EXOC4: variants seen among roughly 807,000 people sequenced by gnomAD.
The protein encoded by EXOC4 is exocyst complex component 4.
In EXOC4, 71 loss-of-function variants were observed where a neutral mutation model predicts 107.2. The observed-to-expected ratio is 0.66, with a 90% CI of 0.55 to 0.81. The LOEUF (loss-of-function observed/expected upper bound fraction) is 0.81, where lower values mean the gene tolerates loss of function less well. Ranked by LOEUF, EXOC4 falls within the 30% of genes least tolerant of loss-of-function variation. The probability of loss-of-function intolerance (pLI) is 0.00; values close to 1 mark genes in which losing one functional copy is unlikely to be tolerated. For missense variants in EXOC4, 1,108 were observed against 1,189.6 expected (o/e 0.93, Z 1.01); for synonymous variants, 456 against 441.2 (o/e 1.03, Z -0.42).
intron 9 of EXOC4, among the ~76,000 whole-genome samples, chr7:133,483,494 T>C (rs539459662): frequency 6.6e-6 from 1 of 152,332 alleles, no homozygotes; most frequent in African/African-American, 2.4e-5. Context: ...CACTACAATC[T>C]AACTAGGAAT....
chr7:133,749,724 G>A (rs1283419621), intron 10 of EXOC4, among the ~76,000 whole-genome samples: 1 of 152,080 alleles, frequency 6.6e-6, no homozygotes, highest in Non-Finnish European at 1.5e-5. Flanking sequence ...TATGTCATAA[G>A]TAAACCTAAT....
chr7:134,077,735 G>A, the EXOC4 span, among the ~76,000 whole-genome samples: 3,603 of 152,304 alleles, frequency 0.024, 126 homozygotes, highest in African/African-American at 0.076. Context: ...CTGTTGCCAA[G>A]CAACCCAGAT....
chr7:133,723,118 G>A (rs1562924460), intron 10 of EXOC4, among the ~76,000 whole-genome samples: 1 of 152,208 alleles, frequency 6.6e-6, no homozygotes, highest in African/African-American at 2.4e-5. Flanking sequence ...TGCCAGATGA[G>A]TGAATATATT....
intron 17 of EXOC4, among the ~76,000 whole-genome samples, chr7:134,028,605 A>G (rs1029600998): frequency 3.9e-5 from 6 of 152,194 alleles, no homozygotes; most frequent in African/African-American, 9.7e-5. Flanking sequence ...GTCGCTAGCA[A>G]TGGGCATGGT....
intron 11 of EXOC4, among the ~76,000 whole-genome samples, chr7:133,849,250 C>T (rs148592571): frequency 2.6e-5 from 4 of 152,146 alleles, no homozygotes; most frequent in African/African-American, 7.2e-5. Flanking sequence ...GCAAGACCTC[C>T]ATTTCTACAA....
At chr7:134,084,708 G>GT in the EXOC4 span, among the ~76,000 whole-genome samples, 5 of 86,594 alleles carry the variant, frequency 5.8e-5, no homozygotes, top group South Asian at 6.2e-4. Flanking sequence ...TGGTGCAGCC[G>GT]TAAAAAAAAA....
chr7:133,862,419 G>A (rs554578663), intron 11 of EXOC4, among the ~76,000 whole-genome samples: 1 of 152,118 alleles, frequency 6.6e-6, no homozygotes, highest in South Asian at 2.1e-4. Flanking sequence ...GGAGGCAGAG[G>A]TTGCAGTGAG....
chr7:134,093,499 A>G, the EXOC4 span, among the ~76,000 whole-genome samples: 6 of 152,288 alleles, frequency 3.9e-5, no homozygotes, highest in East Asian at 1.2e-3. Flanking sequence ...ACCCACTAAC[A>G]GCATTACACA....
At chr7:133,624,856 G>C (rs1015597101) in intron 9 of EXOC4, among the ~76,000 whole-genome samples, 2 of 151,036 alleles carry the variant, frequency 1.3e-5, no homozygotes, top group African/African-American at 4.9e-5. Context: ...GCCTCCCAAA[G>C]TGCTGGGATT....
At chr7:133,897,525 A>G (rs1799347609) in intron 12 of EXOC4, among the ~76,000 whole-genome samples, 1 of 152,186 alleles carries the variant, frequency 6.6e-6, no homozygotes, top group Admixed American at 6.6e-5. Context: ...AATAATTTCA[A>G]GCATAAAAAT....
intron 10 of EXOC4, among the ~76,000 whole-genome samples, chr7:133,756,319 C>T (rs1376969820): frequency 6.6e-6 from 1 of 152,164 alleles, no homozygotes; most frequent in Non-Finnish European, 1.5e-5. Context: ...GAAGCCTAGA[C>T]TGTCACTTTT....
chr7:133,657,245 G>A (rs984958710), intron 10 of EXOC4, among the ~76,000 whole-genome samples: 9 of 152,114 alleles, frequency 5.9e-5, no homozygotes, highest in African/African-American at 1.9e-4. Flanking sequence ...GGAAGGGATG[G>A]TCATTCACAG....
chr7:133,570,183 A>G (rs1490778751), intron 9 of EXOC4, among the ~76,000 whole-genome samples: 1 of 152,182 alleles, frequency 6.6e-6, no homozygotes, highest in East Asian at 1.9e-4. Flanking sequence ...TGTATAATAG[A>G]TGACCTCATG....
chr7:134,080,319 G>A, the EXOC4 span, among the ~76,000 whole-genome samples: 3 of 152,212 alleles, frequency 2.0e-5, no homozygotes, highest in Admixed American at 2.0e-4. Flanking sequence ...CATGCTTACT[G>A]AAGGGACTAA....
chr7:133,700,267 G>A (rs977182711), intron 10 of EXOC4, among the ~76,000 whole-genome samples: 2 of 152,162 alleles, frequency 1.3e-5, no homozygotes, highest in African/African-American at 2.4e-5. Flanking sequence ...ACAGTTATAT[G>A]TTAACAGAAG....
At chr7:134,039,995 C>T (rs1795477751) in intron 17 of EXOC4, among the ~76,000 whole-genome samples, 1 of 152,214 alleles carries the variant, frequency 6.6e-6, no homozygotes, top group Admixed American at 6.5e-5. Flanking sequence ...TTAGATTTCA[C>T]ATTACACAAA....
intron 10 of EXOC4, among the ~76,000 whole-genome samples, chr7:133,682,820 A>T (rs1338567213): frequency 2.0e-5 from 3 of 152,190 alleles, no homozygotes; most frequent in Non-Finnish European, 2.9e-5. Flanking sequence ...AAATGACTCA[A>T]ATGCCGCACC....
chr7:133,675,122 C>T lies in EXOC4; in HGVS notation c.1514+44981C>T, dbSNP rs146877318. On this transcript the variant is annotated intron_variant, in intron 10 of 17. Transcript: ENST00000253861. ...AAGTTAGTGTTTTCCATTTTCTTCA[C>T]CCATGGAAAACCCTTAGTTTTGGAG... Among the ~76,000 whole-genome samples, 432 of 152,238 alleles carry T rather than the reference C, an allele frequency of 2.8e-3. 3 individuals carry two copies. The highest frequency in any genetic ancestry group is 9.7e-3 in the African/African-American group (401 of 41,538).
chr7:133,949,123 T>G (rs1303235068), intron 14 of EXOC4, among the ~76,000 whole-genome samples: 7 of 152,226 alleles, frequency 4.6e-5, no homozygotes, highest in Non-Finnish European at 2.9e-5. Flanking sequence ...AAGCTGCACC[T>G]CTTACCCCCA....
Sources: gnomAD v4.1 joint callset for allele counts (sites outside exome capture counted in the v4.1 genomes callset) on GRCh38, gnomAD v4.1.1 for gene constraint, MANE v1.5 for transcripts, NCBI Gene and HGNC (gene_info 2026-07-23, HGNC 2026-07-21) for gene names.